AK8: variants seen among roughly 807,000 people sequenced by gnomAD.
AK8 encodes the protein adenylate kinase 8.
AK8 carries 44 observed loss-of-function variants against 54.6 expected under a neutral mutation model. The observed-to-expected ratio is 0.81, with a 90% CI of 0.63 to 1.04. The LOEUF (loss-of-function observed/expected upper bound fraction) is 1.04, where lower values mean the gene tolerates loss of function less well. AK8 is among the 50% of genes least tolerant of loss of function. The pLI is 0.00. For missense variants in AK8, 555 were observed against 613.6 expected, an observed-to-expected ratio of 0.90 and a Z score of 1.01; for synonymous variants, 239 against 245.6, an observed-to-expected ratio of 0.97 and a Z score of 0.25.
chr9:132,794,347 C>T (rs773649169), intron 10 of AK8, among the ~76,000 whole-genome samples: 1 of 152,198 alleles, frequency 6.6e-6, no homozygotes, highest in Non-Finnish European at 1.5e-5. Context: ...CTGCCTTCCT[C>T]CCAGGTGAAT....
chr9:132,766,257 G>A (rs1838721083), intron 11 of AK8, among the ~76,000 whole-genome samples: 1 of 152,106 alleles, frequency 6.6e-6, no homozygotes, highest in Admixed American at 6.5e-5. Flanking sequence ...AACAACAAAT[G>A]TGCTCCAACA....
chr9:132,730,514 T>A (rs1836789384), intron 11 of AK8, among the ~76,000 whole-genome samples: 1 of 147,628 alleles, frequency 6.8e-6, no homozygotes, highest in East Asian at 2.1e-4. Context: ...AACCCTAGGG[T>A]TGGGCGGGAT....
chr9:132,810,832 A>C (rs1226019290), intron 10 of AK8, among the ~76,000 whole-genome samples: 1 of 152,206 alleles, frequency 6.6e-6, no homozygotes, highest in African/African-American at 2.4e-5. Flanking sequence ...TAAAACTACA[A>C]AATTATAACG....
chr9:132,727,956 C>G (rs1306777177), intron 11 of AK8, among the ~76,000 whole-genome samples: 1 of 152,204 alleles, frequency 6.6e-6, no homozygotes, highest in Non-Finnish European at 1.5e-5. Flanking sequence ...CCAGGTCCTG[C>G]AGGGCATGGT....
chr9:132,783,074 G>A (rs1839546099), intron 11 of AK8, among the ~76,000 whole-genome samples: 1 of 152,204 alleles, frequency 6.6e-6, no homozygotes, highest in Admixed American at 6.5e-5. Context: ...TTGCAGATTG[G>A]ATTAAGTTAA....
intron 9 of AK8, among the ~76,000 whole-genome samples, chr9:132,816,737 G>T (rs2131268318): frequency 6.6e-6 from 1 of 152,272 alleles, no homozygotes; most frequent in Admixed American, 6.5e-5. Context: ...TCCTTGAGAG[G>T]CAGGAAACAT....
chr9:132,768,338 G>C (rs1455386507), intron 11 of AK8, among the ~76,000 whole-genome samples: 2 of 151,492 alleles, frequency 1.3e-5, no homozygotes, highest in South Asian at 4.2e-4. Flanking sequence ...CGCCATCTCA[G>C]CTCATTGCAA....
intron 10 of AK8, among the ~76,000 whole-genome samples, chr9:132,808,107 T>C (rs1386721986): frequency 1.3e-5 from 2 of 152,124 alleles, no homozygotes; most frequent in Non-Finnish European, 2.9e-5. Flanking sequence ...AGAACTTATT[T>C]TTCCAAAAGC....
At position 132,787,179 on chromosome 9, in the gene AK8, C is replaced by A. The variant is rs370218684; in HGVS notation, c.1121+5455G>T. On this transcript the variant is annotated intron_variant, in intron 11 of 12. Coordinates refer to ENST00000298545, the MANE Select transcript of AK8 (RefSeq NM_152572.3). ...TCCTGAAGATCCAATACCCAAATAACAGCAGTTTCAGAGAGAATAGAAAAA... is the reference window on the plus strand; with the variant it reads ...TCCTGAAGATCCAATACCCAAATAAAAGCAGTTTCAGAGAGAATAGAAAAA... Among the ~76,000 whole-genome samples the A allele has an allele frequency of 2.6e-5, 4 of 152,080 alleles. No homozygotes were observed. In the East Asian group the frequency reaches 7.7e-4, roughly 29 times the overall value.
chr9:132,734,507 A>G (rs182531329), intron 11 of AK8, among the ~76,000 whole-genome samples: 104 of 152,326 alleles, frequency 6.8e-4, no homozygotes, highest in African/African-American at 2.3e-3. Context: ...AGGCTGACAC[A>G]GGAGCATCGC....
At chr9:132,875,454 G>A (rs1844052911) in intron 1 of AK8, among the ~76,000 whole-genome samples, 1 of 152,186 alleles carries the variant, frequency 6.6e-6, no homozygotes, top group South Asian at 2.1e-4. Flanking sequence ...TTCAGAGCAG[G>A]CAGTCCAGGG....
At chr9:132,854,990 C>A (rs1339666451) in intron 4 of AK8, 65 bp from the exon 5 acceptor site, 3 of 1,547,004 alleles carry the variant, frequency 1.9e-6, no homozygotes, top group Admixed American at 3.4e-5. Flanking sequence ...GGACACAGAC[C>A]AGCACACACC....
intron 11 of AK8, among the ~76,000 whole-genome samples, chr9:132,746,643 C>T (rs1462961231): frequency 2.0e-5 from 3 of 152,202 alleles, no homozygotes; most frequent in African/African-American, 7.2e-5. Flanking sequence ...ACATGACAGT[C>T]GGGGTTGGCT....
intron 11 of AK8, among the ~76,000 whole-genome samples, chr9:132,762,013 C>A (rs1838496718): frequency 6.6e-6 from 1 of 152,010 alleles, no homozygotes; most frequent in Admixed American, 6.6e-5. Context: ...GAGACTACAG[C>A]TGCATGCCAC....
At chr9:132,878,375 A>C, upstream of AK8, 1 of 1,245,214 alleles carries the variant, frequency 8.0e-7, no homozygotes, top group Non-Finnish European at 1.0e-6. The surrounding 1 kb of genome is among the most constrained non-coding windows in gnomAD (Gnocchi z 4.7). Context: ...CAGATACCCG[A>C]TCCTCGGTCG....
At chr9:132,867,044 C>T (rs1843629469) in intron 2 of AK8, 91 bp from the exon 3 acceptor site, 3 of 1,275,750 alleles carry the variant, frequency 2.4e-6, no homozygotes, top group Non-Finnish European at 2.3e-6. Flanking sequence ...TTTCTCCCTC[C>T]CTAGATTTCA....
intron 11 of AK8, among the ~76,000 whole-genome samples, chr9:132,738,469 A>G (rs529665154): frequency 6.6e-6 from 1 of 152,148 alleles, no homozygotes; most frequent in African/African-American, 2.4e-5. Context: ...TTTTCTGTTG[A>G]TCGGTACAAT....
chr9:132,830,832 C>T (rs1342547742), intron 5 of AK8, among the ~76,000 whole-genome samples: 1 of 152,214 alleles, frequency 6.6e-6, no homozygotes, highest in African/African-American at 2.4e-5. Flanking sequence ...TGTGTGGATG[C>T]ATAAAACACC....
chr9:132,823,121 C>A (rs1194521036), intron 9 of AK8, 84 bp downstream of exon 9: 6 of 1,472,258 alleles, frequency 4.1e-6, no homozygotes, highest in Non-Finnish European at 5.4e-6. Flanking sequence ...AACACCACCC[C>A]CCATAAAATG....
Sources: gnomAD v4.1 joint callset for allele counts (sites outside exome capture counted in the v4.1 genomes callset) on GRCh38, gnomAD v4.1.1 for gene constraint, Gnocchi (gnomAD v3.1) non-coding constraint, MANE v1.5 for transcripts, NCBI Gene and HGNC (gene_info 2026-07-23, HGNC 2026-07-21) for gene names.